The following CDH12 variants were observed in gnomAD, a reference collection of about 807,000 sequenced individuals.
CDH12 encodes the protein cadherin 12, also known as cadherin-12.
CDH12 carries 41 observed loss-of-function variants against 74.1 expected under a neutral mutation model. The ratio of observed to expected loss-of-function variants is 0.55; its 90% confidence interval spans 0.43 to 0.72. The LOEUF is 0.72. Ranked by LOEUF, CDH12 falls within the 30% of genes least tolerant of loss-of-function variation. CDH12 has a pLI of 0.00. For missense variants in CDH12, 945 were observed against 977.2 expected (o/e 0.97, Z 0.44); for synonymous variants, 399 against 355.0 (o/e 1.12, Z -1.39).
At chr5:22,027,539 T>C (rs1034969833) in intron 5 of CDH12, among the ~76,000 whole-genome samples, 7 of 152,210 alleles carry the variant, frequency 4.6e-5, no homozygotes, top group African/African-American at 1.7e-4. Context: ...TGGTTTAGTC[T>C]TGGGAGGGTG....
chr5:22,058,419 G>C (rs377505554), intron 5 of CDH12, among the ~76,000 whole-genome samples: 1 of 151,976 alleles, frequency 6.6e-6, no homozygotes, highest in Non-Finnish European at 1.5e-5. Flanking sequence ...GGTACTATTT[G>C]ACATGTATTT....
intron 1 of CDH12, among the ~76,000 whole-genome samples, chr5:22,746,567 T>G (rs1486641650): frequency 6.6e-6 from 1 of 152,146 alleles, no homozygotes; most frequent in Non-Finnish European, 1.5e-5. Flanking sequence ...CAGGCATGCA[T>G]GCAAATATAT....
intron 2 of CDH12, among the ~76,000 whole-genome samples, chr5:22,414,154 G>A (rs7731476): frequency 1.3e-5 from 2 of 151,738 alleles, no homozygotes; most frequent in Admixed American, 1.3e-4. Flanking sequence ...AGAATACCTA[G>A]AATTAAAACT....
chr5:22,514,097 A>G (rs1161864566), intron 1 of CDH12, among the ~76,000 whole-genome samples: 1 of 151,896 alleles, frequency 6.6e-6, no homozygotes, highest in Non-Finnish European at 1.5e-5. Flanking sequence ...TAATTTTCTC[A>G]TGGTAAAATT....
chr5:22,591,494 ATAT>A (rs1736318129), intron 1 of CDH12, among the ~76,000 whole-genome samples: 1 of 152,204 alleles, frequency 6.6e-6, no homozygotes, highest in Admixed American at 6.5e-5. Context: ...TGTAGTTGAA[ATAT>A]TGTAAATACA....
chr5:22,686,459 G>A (rs1357907501), intron 1 of CDH12, among the ~76,000 whole-genome samples: 1 of 152,122 alleles, frequency 6.6e-6, no homozygotes, highest in African/African-American at 2.4e-5. Context: ...CCTAACTAAA[G>A]GTCATGAAGA....
chr5:22,670,418 A>C (rs1474304834), intron 1 of CDH12, among the ~76,000 whole-genome samples: 1 of 152,200 alleles, frequency 6.6e-6, no homozygotes, highest in Non-Finnish European at 1.5e-5. Flanking sequence ...ATAAGAATAA[A>C]ACAGAAAGCT....
chr5:22,716,354 A>G (rs1229231853), intron 1 of CDH12, among the ~76,000 whole-genome samples: 1 of 152,104 alleles, frequency 6.6e-6, no homozygotes, highest in Non-Finnish European at 1.5e-5. Flanking sequence ...GTGTGGTCCC[A>G]TGAGATTATA....
chr5:22,317,805 G>A (rs1738694869), intron 3 of CDH12, among the ~76,000 whole-genome samples: 1 of 152,134 alleles, frequency 6.6e-6, no homozygotes, highest in Admixed American at 6.5e-5. Context: ...CAAGTGACAT[G>A]AAGTTAAATT....
chr5:22,028,733 A>C (rs528265308), intron 5 of CDH12, among the ~76,000 whole-genome samples: 6 of 152,258 alleles, frequency 3.9e-5, no homozygotes, highest in South Asian at 2.1e-4. Flanking sequence ...GCTACCAATG[A>C]CTTTCTTCAC....
intron 3 of CDH12, among the ~76,000 whole-genome samples, chr5:22,374,241 A>G (rs1019385027): frequency 6.6e-6 from 1 of 152,124 alleles, no homozygotes; most frequent in African/African-American, 2.4e-5. Flanking sequence ...CTAGAAAAAA[A>G]TGGAAAAAAA....
At chr5:21,781,794 A>G (rs1745930176) in intron 11 of CDH12, among the ~76,000 whole-genome samples, 4 of 151,674 alleles carry the variant, frequency 2.6e-5, no homozygotes, top group Non-Finnish European at 5.9e-5. Context: ...TATGCATTTT[A>G]AAAATTTTCC....
intron 1 of CDH12, among the ~76,000 whole-genome samples, chr5:22,511,108 T>A (rs892726251): frequency 6.6e-6 from 1 of 152,128 alleles, no homozygotes; most frequent in East Asian, 1.9e-4. Flanking sequence ...TTGGCCAAAC[T>A]GATCTTGAAC....
intron 3 of CDH12, among the ~76,000 whole-genome samples, chr5:22,262,303 A>G (rs1381938467): frequency 1.6e-5 from 2 of 125,652 alleles, no homozygotes; most frequent in East Asian, 5.1e-4. Context: ...AGAGTGTGAT[A>G]TTCCCCTTCC....
intron 3 of CDH12, among the ~76,000 whole-genome samples, chr5:22,388,491 G>A (rs1479396736): frequency 6.6e-6 from 1 of 151,780 alleles, no homozygotes; most frequent in Admixed American, 6.6e-5. Flanking sequence ...TTCATATTAA[G>A]ACCTAACAAG....
chr5:21,866,320 T>C (rs866524567), intron 6 of CDH12, among the ~76,000 whole-genome samples: 2 of 152,166 alleles, frequency 1.3e-5, no homozygotes, highest in Middle Eastern at 6.8e-3. Context: ...TTGGAACAGA[T>C]TGGAGGGCTC....
intron 6 of CDH12, among the ~76,000 whole-genome samples, chr5:21,902,472 T>C (rs1211308740): frequency 6.6e-6 from 1 of 152,088 alleles, no homozygotes; most frequent in Non-Finnish European, 1.5e-5. Context: ...ACAGACTTAA[T>C]GCAGAATCCA....
intron 5 of CDH12, among the ~76,000 whole-genome samples, chr5:21,976,811 G>A (rs1757090470): frequency 6.6e-6 from 1 of 151,914 alleles, no homozygotes; most frequent in African/African-American, 2.4e-5. Flanking sequence ...AATGAGTTCT[G>A]TTTTCTTAAC....
intron 3 of CDH12, among the ~76,000 whole-genome samples, chr5:22,398,689 T>C (rs1410727468): frequency 6.6e-6 from 1 of 152,198 alleles, no homozygotes; most frequent in Non-Finnish European, 1.5e-5. Context: ...ACCAGAGACA[T>C]CTGTTCCTTC....
Sources: allele counts gnomAD v4.1 joint callset (sites outside exome capture counted in the v4.1 genomes callset), GRCh38; gene constraint gnomAD v4.1.1; transcripts MANE v1.5; gene names NCBI Gene and HGNC (gene_info 2026-07-23, HGNC 2026-07-21).